Variants in MSI2 observed in about 807,000 individuals in gnomAD.
The protein encoded by MSI2 is musashi RNA binding protein 2.
Under a neutral mutation model 45.6 loss-of-function variants are expected in MSI2, and 17 were observed. That is an observed-to-expected ratio of 0.37 (90% CI 0.26 to 0.56). MSI2 has a LOEUF of 0.56. Ranked by LOEUF, MSI2 falls within the 20% of genes least tolerant of loss-of-function variation. The pLI is 0.77. For missense variants in MSI2, 293 were observed against 444.2 expected (o/e 0.66, Z 3.06); for synonymous variants, 156 against 158.2 (o/e 0.99, Z 0.11).
chr17:57,663,250 A>G (rs899569417), intron 11 of MSI2, among the ~76,000 whole-genome samples: 1 of 152,190 alleles, frequency 6.6e-6, no homozygotes, highest in Non-Finnish European at 1.5e-5. Context: ...ACCCGGTACC[A>G]TGGCAACCGC....
At chr17:57,537,356 G>A (rs2086942959) in intron 7 of MSI2, among the ~76,000 whole-genome samples, 1 of 152,128 alleles carries the variant, frequency 6.6e-6, no homozygotes, top group South Asian at 2.1e-4. Context: ...AGCGATGGAG[G>A]GCAAAGGAGG....
chr17:57,507,541 C>T (rs2086263895), intron 6 of MSI2, among the ~76,000 whole-genome samples: 1 of 152,138 alleles, frequency 6.6e-6, no homozygotes, highest in African/African-American at 2.4e-5. Context: ...TTCCAAATGA[C>T]TTGTGGCCAA....
At chr17:57,614,113 C>T (rs142702788) in intron 8 of MSI2, among the ~76,000 whole-genome samples, 1,760 of 152,024 alleles carry the variant, frequency 0.012, 20 homozygotes, top group Middle Eastern at 0.044. Flanking sequence ...TACAGTGGTG[C>T]GATCTCGGCT....
At position 57,682,796 on chromosome 17, in the gene MSI2, G is replaced by T. The variant is rs1470127901; in HGVS notation, c.*3279G>T. 4.5e-6 allele frequency: 1 copy of T among 223,940 alleles called. No homozygotes were observed. Among genetic ancestry groups the T allele is most frequent in the Non-Finnish European group, 8.9e-6 (1 of 112,338 alleles). The allele number at this position is 223,940 out of a possible 1,614,324, so 13.9% of individuals were successfully genotyped here. On this transcript the variant is annotated 3_prime_UTR_variant, in exon 14 of 14. Transcript: ENST00000284073. The stretch of plus-strand genomic sequence containing the variant: ...TCCCCGGAATTATCAAACAGCCACC[G>T]GGTGACTTTCTGGCTTCCAGATCCA...
At position 57,408,044 on chromosome 17, in the gene MSI2, G is replaced by A. The variant is rs187687021; in HGVS notation, c.405+6573G>A. ...TTACCCATGAGTAATATGATCCTGG[G>A]GCTTTGCAGGTAAACCCTCCTGCTA... On this transcript the variant is annotated intron_variant, in intron 6 of 13. Coordinates refer to ENST00000284073, the MANE Select transcript of MSI2 (RefSeq NM_138962.4). Among the ~76,000 whole-genome samples, 8 of 152,244 alleles carry A rather than the reference G, an allele frequency of 5.3e-5. No homozygotes were observed. In the East Asian group the frequency reaches 1.5e-3, roughly 29 times the overall value.
At chr17:57,503,436 C>A (rs1263252512) in intron 6 of MSI2, among the ~76,000 whole-genome samples, 4 of 152,204 alleles carry the variant, frequency 2.6e-5, no homozygotes, top group Admixed American at 6.5e-5. Context: ...CTTCTCTTTG[C>A]TCATAGGCAG....
intron 4 of MSI2, among the ~76,000 whole-genome samples, chr17:57,260,294 G>A (rs765133154): frequency 6.6e-6 from 1 of 152,100 alleles, no homozygotes; most frequent in Non-Finnish European, 1.5e-5. Context: ...GAGGAACTTC[G>A]ATCATGATAT....
chr17:57,663,603 C>T, intron 11 of MSI2, among the ~76,000 whole-genome samples: 1 of 152,170 alleles, frequency 6.6e-6, no homozygotes, highest in East Asian at 1.9e-4. Flanking sequence ...GGAAAGGTGG[C>T]GGCAGCGTCA....
Position 57,257,152 on chromosome 17 carries a change from G to C in MSI2, c.103+14G>C, listed in dbSNP as rs200857578. The C allele has an allele frequency of 7.1e-6, 11 of 1,560,194 alleles. No individual in the cohort carries two copies. The East Asian group carries it at 1.9e-4, about 27-fold the overall frequency. On this transcript the variant is annotated intron_variant, in intron 2 of 13. Coordinates refer to ENST00000284073, the MANE Select transcript of MSI2 (RefSeq NM_138962.4). Reference sequence around the variant, plus strand: ...AGACCTCACCAGGTAAGGGAGGGAGGGGGGGACGCCTGGGTCCCCCCCTTC... The same window carrying C: ...AGACCTCACCAGGTAAGGGAGGGAGCGGGGGACGCCTGGGTCCCCCCCTTC...
chr17:57,339,773 A>G (rs1177919762), intron 5 of MSI2, among the ~76,000 whole-genome samples: 1 of 152,036 alleles, frequency 6.6e-6, no homozygotes, highest in Non-Finnish European at 1.5e-5. Flanking sequence ...AGTCTCCATC[A>G]CCAGTTGAGG....
chr17:57,450,255 T>TAGAAAGAAAGAAAGAAAGAAAGAAAAG, intron 6 of MSI2: 1,013 of 76,020 alleles, frequency 0.013, 59 homozygotes, highest in African/African-American at 0.025. Flanking sequence ...TTCCCCAGCT[T>TAGAAAGAAAGAAAGAAAGAAAGAAAAG]AAAGAAAGAA....
chr17:57,287,881 A>C (rs1401049973), intron 5 of MSI2, among the ~76,000 whole-genome samples: 1 of 152,186 alleles, frequency 6.6e-6, no homozygotes, highest in Admixed American at 6.5e-5. Flanking sequence ...CCTATAGACG[A>C]AACAGATGTG....
intron 6 of MSI2, among the ~76,000 whole-genome samples, chr17:57,525,844 C>T (rs2086685598): frequency 6.6e-6 from 1 of 152,180 alleles, no homozygotes; most frequent in South Asian, 2.1e-4. Flanking sequence ...GGCAGGTGAG[C>T]GCGTTGTCAA....
intron 6 of MSI2, among the ~76,000 whole-genome samples, chr17:57,476,538 T>A (rs190887971): frequency 9.2e-5 from 14 of 152,318 alleles, no homozygotes; most frequent in Non-Finnish European, 1.5e-4. Context: ...ACAATAGAAG[T>A]CTGTTTCTTG....
intron 7 of MSI2, among the ~76,000 whole-genome samples, chr17:57,549,672 G>A (rs1215345659): frequency 6.6e-6 from 1 of 152,130 alleles, no homozygotes; most frequent in South Asian, 2.1e-4. Context: ...TTACCTAATG[G>A]GTGACTGATA....
At chr17:57,585,912 G>A (rs1320598857) in intron 7 of MSI2, among the ~76,000 whole-genome samples, 1 of 152,232 alleles carries the variant, frequency 6.6e-6, no homozygotes, top group South Asian at 2.1e-4. Context: ...AGCCTCCTCT[G>A]CCCCGCTGGG....
At chr17:57,567,086 G>A (rs147831809) in intron 7 of MSI2, among the ~76,000 whole-genome samples, 1 of 152,294 alleles carries the variant, frequency 6.6e-6, no homozygotes, top group African/African-American at 2.4e-5. Context: ...ATGGATGGAA[G>A]GGTCTATTCC....
intron 10 of MSI2, among the ~76,000 whole-genome samples, chr17:57,641,004 CTG>C (rs4048259): frequency 0.13 from 19,122 of 152,166 alleles, 1,604 homozygotes; most frequent in East Asian, 0.39. Flanking sequence ...AAACTACTGG[CTG>C]TTGACATTTT....
intron 7 of MSI2, among the ~76,000 whole-genome samples, chr17:57,557,930 T>C (rs2087476359): frequency 6.6e-6 from 1 of 152,220 alleles, no homozygotes; most frequent in Non-Finnish European, 1.5e-5. Context: ...CGTCATCTCC[T>C]TGGGTGCTGA....
Sources: gnomAD v4.1 joint callset for allele counts (sites outside exome capture counted in the v4.1 genomes callset) on GRCh38, gnomAD v4.1.1 for gene constraint, MANE v1.5 for transcripts, NCBI Gene and HGNC (gene_info 2026-07-23, HGNC 2026-07-21) for gene names.